The following SCD5 variants were observed in gnomAD, a reference collection of about 807,000 sequenced individuals.
The protein encoded by SCD5 is acyl-CoA-desaturase 4.
A neutral mutation model predicts 30.4 loss-of-function variants in SCD5; 20 were observed. That is an observed-to-expected ratio of 0.66 (90% confidence interval 0.46 to 0.96). The LOEUF (loss-of-function observed/expected upper bound fraction) is 0.96, where lower values mean the gene tolerates loss of function less well. Ranked by LOEUF, SCD5 falls within the 40% of genes least tolerant of loss-of-function variation. The probability of loss-of-function intolerance (pLI) is 0.00; values close to 1 mark genes in which losing one functional copy is unlikely to be tolerated. For missense variants in SCD5, 381 were observed against 443.3 expected (o/e 0.86, Z 1.26); for synonymous variants, 173 against 176.4 (o/e 0.98, Z 0.16).
chr4:82,782,654 C>A (rs548518647), intron 1 of SCD5, among the ~76,000 whole-genome samples: 2 of 152,198 alleles, frequency 1.3e-5, no homozygotes, highest in South Asian at 2.1e-4. Context: ...CCCCCATCCT[C>A]CCCCAAGAAA....
chr4:82,772,969 T>C (rs1032405025), intron 1 of SCD5, among the ~76,000 whole-genome samples: 2 of 152,168 alleles, frequency 1.3e-5, no homozygotes, highest in African/African-American at 4.8e-5. Context: ...CAATGAGTCA[T>C]AGGTTTACTT....
Position 82,631,251 on chromosome 4 carries a change from T to A in SCD5, c.*76A>T. 1 of 1,272,946 alleles carries A rather than the reference T, an allele frequency of 7.9e-7. No homozygotes were observed. Among genetic ancestry groups the A allele is most frequent in the Non-Finnish European group, 1.1e-6 (1 of 920,210 alleles). The allele number at this position is 1,272,946 out of a possible 1,614,324, so 78.9% of individuals were successfully genotyped here. The stretch of plus-strand genomic sequence containing the variant: ...CCCTCTGCCCCCTCCCACGATCCAA[T>A]GTACAAGAGAGCTATTGTAACCAAA... On this transcript the variant is annotated 3_prime_UTR_variant, in exon 5 of 5. Coordinates refer to ENST00000319540, the MANE Select transcript of SCD5 (RefSeq NM_001037582.3).
intron 1 of SCD5, among the ~76,000 whole-genome samples, chr4:82,765,207 G>A (rs936413243): frequency 1.3e-5 from 2 of 151,960 alleles, no homozygotes; most frequent in Non-Finnish European, 2.9e-5. Flanking sequence ...TTTAATTTTT[G>A]TATGTCTGAA....
chr4:82,691,997 T>A (rs1359605848), intron 2 of SCD5: 1 of 152,280 alleles, frequency 6.6e-6, no homozygotes, highest in Non-Finnish European at 1.5e-5. Flanking sequence ...GTTGTCCATG[T>A]TGCTGATGGT....
intron 3 of SCD5, 61 bp downstream of exon 3, chr4:82,680,646 T>C (rs1728547856): frequency 2.0e-6 from 3 of 1,483,488 alleles, no homozygotes; most frequent in Admixed American, 3.3e-5. Flanking sequence ...GTCCACCTCA[T>C]TGTGCTGTTT....
intron 1 of SCD5, among the ~76,000 whole-genome samples, chr4:82,797,423 C>T (rs1722248786): frequency 6.6e-6 from 1 of 152,150 alleles, no homozygotes; most frequent in African/African-American, 2.4e-5. Context: ...GTTCAAAGAT[C>T]AACGACTGGG....
intron 1 of SCD5, among the ~76,000 whole-genome samples, chr4:82,746,725 A>T (rs1420460536): frequency 1.3e-5 from 2 of 152,052 alleles, no homozygotes; most frequent in Non-Finnish European, 2.9e-5. Context: ...GTCAATATCC[A>T]AGCAGAACTA....
chr4:82,792,418 C>G (rs1464712122), intron 1 of SCD5, among the ~76,000 whole-genome samples: 1 of 151,698 alleles, frequency 6.6e-6, no homozygotes, highest in African/African-American at 2.4e-5. Flanking sequence ...AGTCCTTTAG[C>G]ATATGCCCTA....
At chr4:82,795,233 T>C (rs1341827836) in intron 1 of SCD5, among the ~76,000 whole-genome samples, 1 of 152,120 alleles carries the variant, frequency 6.6e-6, no homozygotes, top group Non-Finnish European at 1.5e-5. Flanking sequence ...CACAACCTCA[T>C]CTGGTGTGGA....
intron 2 of SCD5, among the ~76,000 whole-genome samples, chr4:82,687,290 C>A (rs1178785977): frequency 4.0e-5 from 6 of 151,492 alleles, no homozygotes; most frequent in Non-Finnish European, 5.9e-5. Context: ...ATGGGAAAAA[C>A]AAAAGAAGTA....
intron 1 of SCD5, among the ~76,000 whole-genome samples, chr4:82,781,212 C>T (rs956105951): frequency 1.3e-5 from 2 of 152,072 alleles, no homozygotes; most frequent in African/African-American, 2.4e-5. Flanking sequence ...CTCAGGAGTT[C>T]GAGACCAGCC....
At chr4:82,681,642 G>C (rs1163650386) in intron 2 of SCD5, among the ~76,000 whole-genome samples, 2 of 152,150 alleles carry the variant, frequency 1.3e-5, no homozygotes, top group African/African-American at 4.8e-5. Context: ...TGGAGGGTGG[G>C]AGGAGGGAGA....
intron 2 of SCD5, among the ~76,000 whole-genome samples, chr4:82,687,972 T>C (rs951319811): frequency 6.6e-6 from 1 of 152,226 alleles, no homozygotes; most frequent in Non-Finnish European, 1.5e-5. Context: ...GCATTTAGCT[T>C]GTCCCATTCA....
chr4:82,706,623 C>T (rs529041869), intron 1 of SCD5, among the ~76,000 whole-genome samples: 90 of 152,380 alleles, frequency 5.9e-4, no homozygotes, highest in Middle Eastern at 3.4e-3. Flanking sequence ...CCTTTTCCCT[C>T]TTCTGGCTCA....
rs1560531543 is a variant in SCD5 at position 82,679,209 on chromosome 4, A to AG, written c.569+1497_569+1498insC. 2.3e-3 allele frequency among the ~76,000 whole-genome samples: 90 copies of AG among 39,590 alleles called. 4 individuals carry two copies. The highest frequency in any genetic ancestry group is 6.5e-3 in the South Asian group (6 of 918). The allele number at this position is 39,590 out of a possible 152,430, so 26.0% of individuals were successfully genotyped here. ...GTGAGACTCCATCTCCAAAAAAAAA[A>AG]AAAAAGAAAGAAAAGAAAGAAAGAA... On this transcript the variant is annotated intron_variant, in intron 3 of 4. Transcript: ENST00000319540.
chr4:82,674,011 G>T (rs1465988196), intron 3 of SCD5, among the ~76,000 whole-genome samples: 2 of 152,136 alleles, frequency 1.3e-5, no homozygotes, highest in East Asian at 1.9e-4. Flanking sequence ...ACTCAAAATG[G>T]ATCACAATTC....
intron 1 of SCD5, among the ~76,000 whole-genome samples, chr4:82,740,728 C>T (rs927557865): frequency 4.6e-5 from 7 of 152,202 alleles, no homozygotes; most frequent in African/African-American, 1.7e-4. Flanking sequence ...ACTTCTGAAT[C>T]TTTCTTTTCT....
intron 1 of SCD5, among the ~76,000 whole-genome samples, chr4:82,767,236 GTCTC>G (rs140732938): frequency 0.032 from 4,843 of 150,032 alleles, 261 homozygotes; most frequent in African/African-American, 0.11. Context: ...TTTTCCCTCT[GTCTC>G]TCTCTCTCTC....
chr4:82,687,562 G>T (rs1054347086), intron 2 of SCD5, among the ~76,000 whole-genome samples: 1 of 151,998 alleles, frequency 6.6e-6, no homozygotes, highest in Non-Finnish European at 1.5e-5. Flanking sequence ...CTTTATTCTC[G>T]TTAGCAACTA....
Sources: gnomAD v4.1 joint callset for allele counts (sites outside exome capture counted in the v4.1 genomes callset) on GRCh38, gnomAD v4.1.1 for gene constraint, MANE v1.5 for transcripts, NCBI Gene and HGNC (gene_info 2026-07-23, HGNC 2026-07-21) for gene names.